CSMD1: variants seen among roughly 807,000 people sequenced by gnomAD.
CSMD1 encodes the protein CUB and sushi domain-containing protein 1.
CSMD1 carries 213 observed loss-of-function variants against 417.5 expected under a neutral mutation model. The observed-to-expected ratio is 0.51, with a 90% confidence interval of 0.46 to 0.57. The LOEUF (loss-of-function observed/expected upper bound fraction) is 0.57. Among genes scored for constraint, CSMD1 ranks in the 20% least tolerant of loss-of-function variants. CSMD1 has a pLI of 0.00. For synonymous variants in CSMD1, 2,862 were observed against 1,736.8 expected, an observed-to-expected ratio of 1.65 and a Z score of -16.11; for missense variants, 6,923 against 4,529.7, an observed-to-expected ratio of 1.53 and a Z score of -15.17.
At chr8:4,288,102 T>C (rs1054446300) in intron 3 of CSMD1, among the ~76,000 whole-genome samples, 1 of 152,194 alleles carries the variant, frequency 6.6e-6, no homozygotes, top group African/African-American at 2.4e-5. Context: ...GTTTTACTTA[T>C]TTTGCTAGCC....
chr8:3,909,613 G>C (rs553761514), intron 5 of CSMD1, among the ~76,000 whole-genome samples: 2 of 152,184 alleles, frequency 1.3e-5, no homozygotes, highest in East Asian at 1.9e-4. Flanking sequence ...CCCTCTGTTA[G>C]GCTCAGGAGC....
intron 37 of CSMD1, among the ~76,000 whole-genome samples, chr8:3,168,631 T>TCACACACCCACA: frequency 6.7e-6 from 1 of 148,914 alleles, no homozygotes; most frequent in South Asian, 2.2e-4. Context: ...TAAGTCTTCA[T>TCACACACCCACA]CACACACACA....
chr8:3,159,699 G>A (rs192928665), intron 38 of CSMD1, among the ~76,000 whole-genome samples: 43 of 152,244 alleles, frequency 2.8e-4, no homozygotes, highest in African/African-American at 9.9e-4. Flanking sequence ...TGTTTGTAAC[G>A]AAGAAAAGAA....
intron 10 of CSMD1, among the ~76,000 whole-genome samples, chr8:3,544,116 T>A (rs1003185510): frequency 6.6e-6 from 1 of 152,076 alleles, no homozygotes; most frequent in Non-Finnish European, 1.5e-5. Context: ...AGTGAGGGCT[T>A]GGTAAAACGA....
intron 1 of CSMD1, among the ~76,000 whole-genome samples, chr8:4,896,429 C>A (rs766296626): frequency 6.6e-6 from 1 of 152,068 alleles, no homozygotes; most frequent in Non-Finnish European, 1.5e-5. Context: ...TTTCTCAATT[C>A]TTTTGTTATG....
chr8:3,202,411 A>G (rs1797036527), intron 31 of CSMD1, among the ~76,000 whole-genome samples: 1 of 152,138 alleles, frequency 6.6e-6, no homozygotes, highest in Non-Finnish European at 1.5e-5. Context: ...CCACTCTACA[A>G]TTTCATGTAT....
At chr8:4,080,838 G>A (rs571145333) in intron 3 of CSMD1, among the ~76,000 whole-genome samples, 3 of 152,264 alleles carry the variant, frequency 2.0e-5, no homozygotes, top group African/African-American at 7.2e-5. Context: ...TAAAGGTATT[G>A]CTATGGATTT....
chr8:4,861,258 T>C (rs1283448152), intron 1 of CSMD1, among the ~76,000 whole-genome samples: 1 of 152,166 alleles, frequency 6.6e-6, no homozygotes, highest in East Asian at 1.9e-4. Context: ...CGGCTATACA[T>C]TCAGAAAGTC....
chr8:3,890,172 T>A (rs1806861949), intron 5 of CSMD1, among the ~76,000 whole-genome samples: 1 of 152,216 alleles, frequency 6.6e-6, no homozygotes, highest in African/African-American at 2.4e-5. Context: ...AGCATTTTGA[T>A]AACTAAAGTA....
intron 2 of CSMD1, among the ~76,000 whole-genome samples, chr8:4,629,034 C>T (rs1408019073): frequency 1.3e-5 from 2 of 152,066 alleles, no homozygotes; most frequent in African/African-American, 4.8e-5. Context: ...TATTGTAGAG[C>T]TAATATAATT....
At chr8:4,355,664 A>G (rs168272) in intron 3 of CSMD1, among the ~76,000 whole-genome samples, 1 of 152,190 alleles carries the variant, frequency 6.6e-6, no homozygotes, top group South Asian at 2.1e-4. Flanking sequence ...ATGCTATAAA[A>G]CCTCCAAAGC....
chr8:3,688,759 G>A (rs940935387), intron 7 of CSMD1, among the ~76,000 whole-genome samples: 1 of 152,026 alleles, frequency 6.6e-6, no homozygotes, highest in Admixed American at 6.6e-5. Flanking sequence ...TGAAACTGTA[G>A]CATAATACGG....
At chr8:3,489,727 G>C (rs62474230) in intron 11 of CSMD1, among the ~76,000 whole-genome samples, 12,482 of 152,138 alleles carry the variant, frequency 0.082, 715 homozygotes, top group African/African-American at 0.16. Context: ...GTCATTGCCA[G>C]AAATAAGAAT....
intron 5 of CSMD1, among the ~76,000 whole-genome samples, chr8:3,932,754 A>G (rs1810240776): frequency 6.6e-6 from 1 of 150,514 alleles, no homozygotes; most frequent in Non-Finnish European, 1.5e-5. Context: ...GGGATAAACC[A>G]CTAATAACCA....
At chr8:3,270,597 G>A (rs958222421) in intron 26 of CSMD1, among the ~76,000 whole-genome samples, 2 of 152,184 alleles carry the variant, frequency 1.3e-5, no homozygotes, top group Non-Finnish European at 2.9e-5. Context: ...GGTCGACACA[G>A]ATGCAGCCCT....
chr8:2,989,634 T>C (rs1162077961), intron 54 of CSMD1, among the ~76,000 whole-genome samples: 1 of 152,246 alleles, frequency 6.6e-6, no homozygotes, highest in East Asian at 1.9e-4. Context: ...AGACATGGTA[T>C]CTAGTGGACC....
At chr8:2,947,007 C>T (rs1329786499) in intron 68 of CSMD1, among the ~76,000 whole-genome samples, 1 of 152,164 alleles carries the variant, frequency 6.6e-6, no homozygotes, top group Admixed American at 6.5e-5. Context: ...GGCTTATCGC[C>T]ATTTGCATGT....
At chr8:4,110,454 G>A (rs1363994205) in intron 3 of CSMD1, among the ~76,000 whole-genome samples, 1 of 152,064 alleles carries the variant, frequency 6.6e-6, no homozygotes, top group East Asian at 1.9e-4. Context: ...CTTTAAGCCA[G>A]ATCCCTCTCA....
chr8:3,197,489 G>A lies in CSMD1; in HGVS notation c.5194+2225C>T, dbSNP rs560087635. Among the ~76,000 whole-genome samples the A allele has an allele frequency of 1.3e-3, 161 of 119,434 alleles. 1 individual carries two copies. The highest frequency in any genetic ancestry group is 4.7e-3 in the African/African-American group (144 of 30,416). 78.4% of individuals were successfully genotyped at this position (119,434 alleles called of 152,430 possible). On this transcript the variant is annotated intron_variant, in intron 33 of 69. Coordinates refer to ENST00000635120, the MANE Select transcript of CSMD1 (RefSeq NM_033225.6). ...TTTTTTTTTTTTTTTTTTTTGAGAC[G>A]GAGTCTCGCTCTGTCACCCAGGCTG...
Sources: gnomAD v4.1 joint callset for allele counts (sites outside exome capture counted in the v4.1 genomes callset) on GRCh38, gnomAD v4.1.1 for gene constraint, MANE v1.5 for transcripts, NCBI Gene and HGNC (gene_info 2026-07-23, HGNC 2026-07-21) for gene names.